Variants in AGMO observed in about 807,000 individuals in gnomAD.
AGMO encodes the protein glyceryl-ether monooxygenase.
Under a neutral mutation model 60.2 loss-of-function variants are expected in AGMO, and 75 were observed. That is an observed-to-expected ratio of 1.25 (90% CI 1.03 to 1.51). The LOEUF (loss-of-function observed/expected upper bound fraction) is 1.51. Ranked by LOEUF, AGMO falls within the 40% of genes most tolerant of loss-of-function variation. The pLI is 0.00. For synonymous variants in AGMO, 261 were observed against 177.1 expected, an observed-to-expected ratio of 1.47 and a Z score of -3.76; for missense variants, 763 against 525.5, an observed-to-expected ratio of 1.45 and a Z score of -4.42.
At chr7:15,396,063 C>T (rs950827243) in intron 5 of AGMO, 3 of 152,238 alleles carry the variant, frequency 2.0e-5, no homozygotes, top group Non-Finnish European at 4.4e-5. Context: ...GAGTTCTTGT[C>T]TCTCTCCCTG....
At chr7:15,509,115 G>C (rs979896885) in intron 3 of AGMO, among the ~76,000 whole-genome samples, 1 of 152,086 alleles carries the variant, frequency 6.6e-6, no homozygotes, top group African/African-American at 2.4e-5. Context: ...CTAATTTTTA[G>C]ATTTAAAAAG....
chr7:15,154,558 C>T, the AGMO span, among the ~76,000 whole-genome samples: 3 of 152,192 alleles, frequency 2.0e-5, no homozygotes, highest in Non-Finnish European at 4.4e-5. Context: ...CTTTATCTAA[C>T]TTCCACTCTG....
chr7:15,392,246 A>G (rs1255227470), intron 6 of AGMO, among the ~76,000 whole-genome samples: 1 of 150,742 alleles, frequency 6.6e-6, no homozygotes, highest in Non-Finnish European at 1.5e-5. Flanking sequence ...ATTTTTCTGT[A>G]TTTTTTTTAG....
At chr7:15,339,209 C>T (rs1246144339) in intron 12 of AGMO, among the ~76,000 whole-genome samples, 2 of 151,954 alleles carry the variant, frequency 1.3e-5, no homozygotes, top group Non-Finnish European at 2.9e-5. Flanking sequence ...ACTAGTTGAT[C>T]AATTCATGCT....
rs1784731646 is a variant in AGMO at position 15,544,840 on chromosome 7, G to A, written c.341C>T (p.Pro114Leu). ...TAAGAAGGCTGAATACCAAGTCCAT[G>A]GAGAATCCCAAGGCAAATTGAACAG... ...YRLFNLPWDS[P>L]WTWYSAFLGV... is the part of the protein sequence containing the mutation. Residue 114 changes from proline to leucine, a missense_variant, in exon 3 of 13, where the codon CCA becomes CTA. Coordinates refer to ENST00000342526, the MANE Select transcript of AGMO (RefSeq NM_001004320.2). 3.1e-6 allele frequency: 5 copies of A among 1,610,486 alleles called. No individual in the cohort carries two copies. The highest frequency in any genetic ancestry group is 4.2e-6 in the Non-Finnish European group (5 of 1,178,088).
chr7:15,129,743 G>T, the AGMO span, among the ~76,000 whole-genome samples: 1 of 152,102 alleles, frequency 6.6e-6, no homozygotes, highest in African/African-American at 2.4e-5. Flanking sequence ...GAAGCATCTG[G>T]TGGAGACTGC....
chr7:15,532,392 T>G (rs999091179), intron 3 of AGMO, among the ~76,000 whole-genome samples: 1 of 152,128 alleles, frequency 6.6e-6, no homozygotes. Context: ...GCTCTGAGAG[T>G]TGGGCAAGTT....
intron 5 of AGMO, among the ~76,000 whole-genome samples, chr7:15,415,866 G>A (rs1181171315): frequency 6.6e-6 from 1 of 151,980 alleles, no homozygotes; most frequent in African/African-American, 2.4e-5. Flanking sequence ...GACTATAACT[G>A]AATATGTGCT....
At chr7:15,494,141 C>A (rs1437632975) in intron 3 of AGMO, among the ~76,000 whole-genome samples, 1 of 152,110 alleles carries the variant, frequency 6.6e-6, no homozygotes, top group Non-Finnish European at 1.5e-5. Flanking sequence ...GTATACTACA[C>A]CTAATGGGAA....
intron 3 of AGMO, among the ~76,000 whole-genome samples, chr7:15,528,718 G>A (rs188400175): frequency 3.3e-5 from 5 of 152,000 alleles, no homozygotes; most frequent in Admixed American, 2.0e-4. Flanking sequence ...GCACGATCTC[G>A]GCTCACCGCA....
chr7:15,130,193 A>C, the AGMO span, among the ~76,000 whole-genome samples: 33 of 152,170 alleles, frequency 2.2e-4, no homozygotes, highest in African/African-American at 7.9e-4. Flanking sequence ...GTTTAGAGTA[A>C]TGATTTTCAA....
intron 12 of AGMO, among the ~76,000 whole-genome samples, chr7:15,261,270 CA>C (rs1427460849): frequency 6.6e-6 from 1 of 151,556 alleles, no homozygotes; most frequent in East Asian, 1.9e-4. Flanking sequence ...TGAGATTAAC[CA>C]AAAAGAGAGA....
intron 12 of AGMO, among the ~76,000 whole-genome samples, chr7:15,331,744 T>G (rs934738501): frequency 1.3e-5 from 2 of 152,092 alleles, no homozygotes; most frequent in African/African-American, 4.8e-5. Flanking sequence ...CTGACCAATG[T>G]GGAGAAACCC....
chr7:15,561,337 T>A (rs1016782842), intron 1 of AGMO, among the ~76,000 whole-genome samples: 1 of 152,202 alleles, frequency 6.6e-6, no homozygotes, highest in African/African-American at 2.4e-5. Context: ...GAGGAAATAG[T>A]TTCCCTGGAA....
intron 5 of AGMO, among the ~76,000 whole-genome samples, chr7:15,395,163 A>G (rs1347793017): frequency 6.6e-6 from 1 of 152,160 alleles, no homozygotes; most frequent in Non-Finnish European, 1.5e-5. Context: ...AAATCAATAC[A>G]CTGTTATGAT....
intron 2 of AGMO, among the ~76,000 whole-genome samples, chr7:15,547,667 G>GCCC (rs1784823395): frequency 6.8e-6 from 1 of 146,508 alleles, no homozygotes; most frequent in Non-Finnish European, 1.5e-5. Context: ...AGGGTCCTAC[G>GCCC]CCCACGGAGT....
chr7:15,272,566 T>C (rs1783648781), intron 12 of AGMO, among the ~76,000 whole-genome samples: 1 of 152,100 alleles, frequency 6.6e-6, no homozygotes, highest in Non-Finnish European at 1.5e-5. Context: ...TCTTTGCTAT[T>C]GTGAATAGTG....
At chr7:15,440,013 A>G (rs1562508514) in intron 3 of AGMO, among the ~76,000 whole-genome samples, 2 of 152,156 alleles carry the variant, frequency 1.3e-5, no homozygotes, top group Non-Finnish European at 2.9e-5. Context: ...ATAAATGTGT[A>G]TTTCCCTTAG....
intron 12 of AGMO, among the ~76,000 whole-genome samples, chr7:15,330,255 ATAATT>A (rs1464088381): frequency 2.0e-5 from 3 of 152,162 alleles, no homozygotes; most frequent in African/African-American, 4.8e-5. Context: ...TCCTAGACTC[ATAATT>A]TAATTGTACA....
Sources: allele counts gnomAD v4.1 joint callset (sites outside exome capture counted in the v4.1 genomes callset), GRCh38; gene constraint gnomAD v4.1.1; transcripts MANE v1.5; gene names NCBI Gene and HGNC (gene_info 2026-07-23, HGNC 2026-07-21).